Variants in NLRP3 observed in about 807,000 individuals in gnomAD.
The protein encoded by NLRP3 is NLR family pyrin domain containing 3, also known as NACHT, LRR and PYD domains-containing protein 3.
Under a neutral mutation model 91.3 loss-of-function variants are expected in NLRP3, and 48 were observed. The ratio of observed to expected loss-of-function variants is 0.53; its 90% CI spans 0.42 to 0.67. The LOEUF (loss-of-function observed/expected upper bound fraction) is 0.67. NLRP3 is among the 30% of genes least tolerant of loss of function. The pLI, the probability that NLRP3 is intolerant of heterozygous loss-of-function variation, is 0.00. For missense variants in NLRP3, 982 were observed against 1,276.9 expected (o/e 0.77, Z 3.52); for synonymous variants, 561 against 507.9 (o/e 1.10, Z -1.41).
Position 247,424,855 on chromosome 1 carries a change from C to G in NLRP3, c.1406C>G (p.Ser469Cys). The G allele has an allele frequency of 6.2e-7, 1 of 1,608,430 alleles. No individual in the cohort carries two copies. The highest frequency in any genetic ancestry group is 8.5e-7 in the Non-Finnish European group (1 of 1,180,000). Residue 469 changes from serine to cysteine, a missense_variant, in exon 4 of 10, where the codon TCT (serine) becomes TGT (cysteine). By Grantham distance (112) the Ser-to-Cys change is moderately radical. Coordinates refer to ENST00000336119, the MANE Select transcript of NLRP3 (RefSeq NM_001243133.2). The surrounding 1 kb of genome is among the most constrained non-coding windows in gnomAD (Gnocchi z 8.1). Reference protein sequence around the residue: ...GLCAHLWGLCSLAADGIWNQK... With the variant: ...GLCAHLWGLCCLAADGIWNQK... ...TGCGCCCACCTCTGGGGGCTCTGCT[C>G]TTTGGCTGCAGATGGAATCTGGAAC...
chr1:247,444,572 C>A, intron 8 of NLRP3, 79 bp from the exon 9 acceptor site: 1 of 1,480,034 alleles, frequency 6.8e-7, no homozygotes, highest in Non-Finnish European at 9.4e-7. Context: ...TGAAACAAGA[C>A]AGGCTAAGAT....
chr1:247,420,039 G>A (rs1025570574), intron 2 of NLRP3, among the ~76,000 whole-genome samples: 3 of 152,066 alleles, frequency 2.0e-5, no homozygotes, highest in African/African-American at 7.2e-5. Context: ...AGCACACAAG[G>A]GTTCCAATTT....
At position 247,425,414 on chromosome 1, in the gene NLRP3, C is replaced by T. The variant is rs374841386; in HGVS notation, c.1965C>T (p.Leu655=). The T allele has an allele frequency of 6.2e-7, 1 of 1,614,222 alleles. No homozygotes were observed. The highest frequency in any genetic ancestry group is 2.2e-5 in the East Asian group (1 of 44,882). The change falls in exon 4 of 10, where the codon CTC becomes CTT. Residue 655 remains leucine, a synonymous_variant. Transcript: ENST00000336119. The surrounding 1 kb of genome is among the most constrained non-coding windows in gnomAD (Gnocchi z 4.1). ...ATTTCCCCAAGATTGAGATCAATCT[C>T]TCCACCAGAATGGACCACATGGTTT... ...MDYFPKIEIN[L]STRMDHMVSS...
Position 247,416,178 on chromosome 1 carries a change from T to G in NLRP3, c.-764T>G, listed in dbSNP as rs1376516644. On this transcript the variant is annotated 5_prime_UTR_variant, in exon 1 of 10. Transcript: ENST00000336119. Reference sequence around the variant, plus strand: ...ATTGCATTTCCTCTCTAGCTGTTCCTGAGGCTGGCATCTGGGTAAGTCCAG... The same window carrying G: ...ATTGCATTTCCTCTCTAGCTGTTCCGGAGGCTGGCATCTGGGTAAGTCCAG... The G allele has an allele frequency of 6.6e-6, 1 of 152,496 alleles. No individual in the cohort carries two copies. The highest frequency in any genetic ancestry group is 1.5e-5 in the Non-Finnish European group (1 of 68,152). 9.4% of individuals were successfully genotyped at this position (152,496 alleles called of 1,614,324 possible). A position where few individuals can be genotyped will look rare whatever the true frequency, so the allele number is the denominator to read the frequency against.
chr1:247,437,066 A>C (rs890787731), intron 7 of NLRP3, among the ~76,000 whole-genome samples: 5 of 152,238 alleles, frequency 3.3e-5, no homozygotes, highest in Non-Finnish European at 7.3e-5. Flanking sequence ...GTGACCTCCC[A>C]AGCCACTGCC....
chr1:247,440,678 A>G (rs962152010), intron 7 of NLRP3, among the ~76,000 whole-genome samples: 2 of 152,156 alleles, frequency 1.3e-5, no homozygotes, highest in Admixed American at 1.3e-4. Context: ...CATACCACCC[A>G]GAGTGCCTGA....
At position 247,424,257 on chromosome 1, in the gene NLRP3, C is replaced by T; in HGVS notation, c.808C>T (p.Leu270=). 6.2e-7 allele frequency: 1 copy of T among 1,614,122 alleles called. No individual in the cohort carries two copies. Among genetic ancestry groups the T allele is most frequent in the Non-Finnish European group, 8.5e-7 (1 of 1,180,028 alleles). ...REVSLVTQRS[L]GDLIMSCCPD... ...GGTGAGCCTTGTGACACAGAGGAGCCTGGGGGACCTGATCATGAGCTGCTG... is the reference window on the plus strand; with the variant it reads ...GGTGAGCCTTGTGACACAGAGGAGCTTGGGGGACCTGATCATGAGCTGCTG... Residue 270 remains leucine, a synonymous_variant, in exon 4 of 10, where the codon CTG becomes TTG. Coordinates refer to ENST00000336119, the MANE Select transcript of NLRP3 (RefSeq NM_001243133.2). This position sits in a 1 kb window ranked among gnomAD's most constrained non-coding sequence, Gnocchi z 8.1.
intron 5 of NLRP3, among the ~76,000 whole-genome samples, chr1:247,432,162 C>T (rs371888783): frequency 1.4e-4 from 22 of 152,168 alleles, no homozygotes; most frequent in African/African-American, 5.1e-4. Context: ...GGATTACAGG[C>T]GTGAGCCACC....
Position 247,418,727 on chromosome 1 carries a change from G to C in NLRP3, c.-74G>C. On this transcript the variant is annotated 5_prime_UTR_variant, in exon 2 of 10. Transcript: ENST00000336119. ...TGGAGACTTTAAAAAAGACTCATCC[G>C]TGTGCCGTGTTCACTGCCTGGTATC... 1 of 1,562,624 alleles carries C rather than the reference G, an allele frequency of 6.4e-7. No homozygotes were observed. The highest frequency in any genetic ancestry group is 1.1e-5 in the South Asian group (1 of 89,614).
chr1:247,429,906 C>T, intron 5 of NLRP3, 151 bp downstream of exon 5: 1 of 986,192 alleles, frequency 1.0e-6, no homozygotes, highest in South Asian at 1.4e-5. Context: ...CAGAGTTTTG[C>T]TCTTATTGCC....
chr1:247,434,374 C>G, intron 6 of NLRP3, 101 bp downstream of exon 6: 1 of 1,279,670 alleles, frequency 7.8e-7, no homozygotes, highest in Non-Finnish European at 1.1e-6. Flanking sequence ...GTGAGAATGG[C>G]CTTGGCGGCT....
At chr1:247,441,201 C>CCCT (rs1553292354) in intron 7 of NLRP3, among the ~76,000 whole-genome samples, 61 of 128,564 alleles carry the variant, frequency 4.7e-4, no homozygotes, top group South Asian at 8.9e-4. Context: ...CCTCCCCCCC[C>CCCT]CCTTTCCCTT....
At chr1:247,435,147 G>C (rs1663689693) in intron 6 of NLRP3, among the ~76,000 whole-genome samples, 1 of 152,054 alleles carries the variant, frequency 6.6e-6, no homozygotes. Context: ...AGTTACTCGG[G>C]GTGGAGGCAA....
At chr1:247,439,642 T>G (rs939463852) in intron 7 of NLRP3, among the ~76,000 whole-genome samples, 3 of 152,216 alleles carry the variant, frequency 2.0e-5, no homozygotes, top group Non-Finnish European at 4.4e-5. Flanking sequence ...TACTGGGGCC[T>G]AGGACTTCCA....
intron 9 of NLRP3, 30 bp downstream of exon 9, chr1:247,444,851 T>C: frequency 1.2e-6 from 2 of 1,610,492 alleles, no homozygotes; most frequent in South Asian, 1.1e-5. Flanking sequence ...ATGCCCGTGG[T>C]GGGACTCTGA....
At position 247,436,046 on chromosome 1, in the gene NLRP3, A is replaced by G. The variant is rs150070125; in HGVS notation, c.2569A>G (p.Arg857Gly). ...SVLSTSHSLT[R>G]LYVGENALGD... ...ATTGAGCACCAGCCATTCCCTGACCAGACTCTATGTGGGGGAGAATGCCTT... is the reference window on the plus strand; with the variant it reads ...ATTGAGCACCAGCCATTCCCTGACCGGACTCTATGTGGGGGAGAATGCCTT... Residue 857 changes from arginine (R) to glycine (G), a missense_variant, in exon 7 of 10, where the codon AGA becomes GGA. Physicochemically the swap from Arg to Gly is moderately radical, Grantham distance 125. Coordinates refer to ENST00000336119, the MANE Select transcript of NLRP3 (RefSeq NM_001243133.2). The G allele has an allele frequency of 6.2e-7, 1 of 1,614,194 alleles. No individual in the cohort carries two copies. The highest frequency in any genetic ancestry group is 8.5e-7 in the Non-Finnish European group (1 of 1,180,032).
intron 4 of NLRP3, among the ~76,000 whole-genome samples, chr1:247,426,830 C>T (rs1662923450): frequency 6.6e-6 from 1 of 152,160 alleles, no homozygotes; most frequent in Non-Finnish European, 1.5e-5. Flanking sequence ...CCCGCTCAGC[C>T]AGCTTCCGGA....
chr1:247,429,173 G>A (rs1372072873), intron 4 of NLRP3, among the ~76,000 whole-genome samples: 2 of 152,180 alleles, frequency 1.3e-5, no homozygotes, highest in Non-Finnish European at 2.9e-5. Flanking sequence ...GATTACAGGT[G>A]TGAGCCACCA....
Position 247,423,230 on chromosome 1 carries a change from G to C in NLRP3, c.278G>C (p.Gly93Ala), listed in dbSNP as rs1395271150. 3.7e-6 allele frequency: 6 copies of C among 1,612,832 alleles called. No individual in the cohort carries two copies. The highest frequency in any genetic ancestry group is 5.1e-6 in the Non-Finnish European group (6 of 1,179,370). The change falls in exon 3 of 10, where the codon GGT (glycine) becomes GCT (alanine). Residue 93 changes from glycine (G) to alanine (A), a missense_variant and splice_region_variant. This residue lies in a region of NLRP3 where 548 missense variants were observed against 713.7 expected (regional missense o/e 0.77). Coordinates refer to ENST00000336119, the MANE Select transcript of NLRP3 (RefSeq NM_001243133.2). ...EKAKRDEPKWGSDNARVSNPT... is the reference protein window; with the variant it reads ...EKAKRDEPKWASDNARVSNPT... ...TTGACACCTTTTTTTTCCCTTTTAG[G>C]TTCAGATAATGCACGTGTTTCGAAT... is the stretch of plus-strand genomic sequence containing the variant.
Sources: gnomAD v4.1 joint callset for allele counts (sites outside exome capture counted in the v4.1 genomes callset) on GRCh38, gnomAD v4.1.1 for gene constraint, gnomAD v4.1.1 regional missense constraint, Gnocchi (gnomAD v3.1) non-coding constraint, MANE v1.5 for transcripts, NCBI Gene and HGNC (gene_info 2026-07-23, HGNC 2026-07-21) for gene names.